CSMD1: variants seen among roughly 807,000 people sequenced by gnomAD.
The protein encoded by CSMD1 is CUB and Sushi multiple domains 1.
Under a neutral mutation model 417.5 loss-of-function variants are expected in CSMD1, and 213 were observed. The ratio of observed to expected loss-of-function variants is 0.51; its 90% CI spans 0.46 to 0.57. CSMD1 has a LOEUF of 0.57. Ranked by LOEUF, CSMD1 falls within the 20% of genes least tolerant of loss-of-function variation. CSMD1 has a pLI of 0.00. For synonymous variants in CSMD1, 2,862 were observed against 1,736.8 expected (o/e 1.65, Z -16.11); for missense variants, 6,923 against 4,529.7 (o/e 1.53, Z -15.17).
At chr8:4,328,436 C>G (rs1799680070) in intron 3 of CSMD1, among the ~76,000 whole-genome samples, 1 of 151,790 alleles carries the variant, frequency 6.6e-6, no homozygotes, top group Admixed American at 6.6e-5. Context: ...TTAATTTATA[C>G]AAATTTCGGT....
chr8:4,447,786 G>C (rs1585091815), intron 2 of CSMD1, among the ~76,000 whole-genome samples: 1 of 152,114 alleles, frequency 6.6e-6, no homozygotes, highest in Non-Finnish European at 1.5e-5. Flanking sequence ...TATAAAAGGA[G>C]AAGAAAATAA....
intron 2 of CSMD1, among the ~76,000 whole-genome samples, chr8:4,616,438 T>C (rs1801479533): frequency 6.6e-6 from 1 of 152,192 alleles, no homozygotes; most frequent in Admixed American, 6.6e-5. Flanking sequence ...GGCTATTTAG[T>C]CTGTAAGAGT....
At chr8:3,545,611 C>G (rs10097280) in intron 10 of CSMD1, among the ~76,000 whole-genome samples, 7,200 of 152,214 alleles carry the variant, frequency 0.047, 491 homozygotes, top group African/African-American at 0.15. Context: ...TCTCCACTGC[C>G]GTAACCCAAG....
At chr8:3,850,089 C>T (rs1803793764) in intron 5 of CSMD1, among the ~76,000 whole-genome samples, 1 of 152,218 alleles carries the variant, frequency 6.6e-6, no homozygotes, top group African/African-American at 2.4e-5. Context: ...AGCCACTGCA[C>T]CCAGCAAAGA....
chr8:4,274,943 A>C (rs1406699444), intron 3 of CSMD1, among the ~76,000 whole-genome samples: 1 of 152,178 alleles, frequency 6.6e-6, no homozygotes, highest in Non-Finnish European at 1.5e-5. Context: ...TATTTTCTTG[A>C]GAGCCATCAA....
intron 5 of CSMD1, among the ~76,000 whole-genome samples, chr8:3,867,766 G>T (rs946411815): frequency 6.6e-6 from 1 of 152,028 alleles, no homozygotes; most frequent in African/African-American, 2.4e-5. Flanking sequence ...TCCTCCCAGG[G>T]CCAGGCAGCT....
intron 5 of CSMD1, among the ~76,000 whole-genome samples, chr8:3,984,256 C>T (rs536044487): frequency 1.3e-5 from 2 of 152,230 alleles, no homozygotes; most frequent in Admixed American, 6.5e-5. Flanking sequence ...GCAAGCTTAA[C>T]TTCAAATGTC....
intron 4 of CSMD1, among the ~76,000 whole-genome samples, chr8:4,015,584 C>G (rs1218189194): frequency 6.8e-6 from 1 of 147,576 alleles, no homozygotes; most frequent in Admixed American, 6.9e-5. Context: ...TATTTAGTGG[C>G]ATCTTGGCCC....
chr8:3,713,372 A>AT (rs1177728702), intron 6 of CSMD1, among the ~76,000 whole-genome samples: 1 of 152,166 alleles, frequency 6.6e-6, no homozygotes, highest in Non-Finnish European at 1.5e-5. Context: ...AATGGCAATA[A>AT]TGTAAGAAGT....
At chr8:4,791,226 G>A (rs1218007890) in intron 1 of CSMD1, among the ~76,000 whole-genome samples, 2 of 150,324 alleles carry the variant, frequency 1.3e-5, no homozygotes, top group Non-Finnish European at 3.0e-5. Context: ...AGCAGAGGCA[G>A]AAGGAACGTG....
chr8:4,513,638 T>A (rs1405245), intron 2 of CSMD1, among the ~76,000 whole-genome samples: 1 of 152,272 alleles, frequency 6.6e-6, no homozygotes, highest in African/African-American at 2.4e-5. Flanking sequence ...AACAATGAAG[T>A]TAAAGGAAGA....
At chr8:3,939,820 G>A (rs143781676) in intron 5 of CSMD1, among the ~76,000 whole-genome samples, 4 of 152,216 alleles carry the variant, frequency 2.6e-5, no homozygotes, top group Non-Finnish European at 4.4e-5. Flanking sequence ...TTATGAGGAT[G>A]CGAAGGCATA....
At chr8:3,799,328 T>C (rs906547477) in intron 5 of CSMD1, among the ~76,000 whole-genome samples, 3 of 151,478 alleles carry the variant, frequency 2.0e-5, no homozygotes, top group Non-Finnish European at 2.9e-5. Context: ...ACATGTGCCA[T>C]GCTGGTGTGC....
chr8:3,609,224 C>G (rs1563196430), intron 8 of CSMD1, among the ~76,000 whole-genome samples: 1 of 152,186 alleles, frequency 6.6e-6, no homozygotes, highest in Non-Finnish European at 1.5e-5. Flanking sequence ...GCTACATATC[C>G]TGTTAGCACA....
At position 4,575,724 on chromosome 8, in the gene CSMD1, A is replaced by G. The variant is rs1056768501; in HGVS notation, c.302+61618T>C. Among the ~76,000 whole-genome samples, 6 of 152,232 alleles carry G rather than the reference A, an allele frequency of 3.9e-5. 1 individual carries two copies. Among genetic ancestry groups the G allele is most frequent in the African/African-American group, 1.4e-4 (6 of 41,462 alleles). ...AATATGTTAATAAATTTACATGACC[A>G]AGAGAAGTATTCTTGATTTTCTTCT... On this transcript the variant is annotated intron_variant, in intron 2 of 69. Coordinates refer to ENST00000635120, the MANE Select transcript of CSMD1 (RefSeq NM_033225.6).
intron 2 of CSMD1, among the ~76,000 whole-genome samples, chr8:4,510,179 C>G (rs1802739167): frequency 6.6e-6 from 1 of 151,916 alleles, no homozygotes; most frequent in Admixed American, 6.6e-5. Flanking sequence ...GACTTTGCTC[C>G]TCATTCACCT....
intron 1 of CSMD1, among the ~76,000 whole-genome samples, chr8:4,779,775 G>C (rs1435531791): frequency 1.3e-5 from 2 of 152,156 alleles, no homozygotes; most frequent in African/African-American, 2.4e-5. Context: ...GCTGATGCCA[G>C]AGCCCTTTTG....
chr8:4,211,736 A>G (rs904832510), intron 3 of CSMD1, among the ~76,000 whole-genome samples: 2 of 152,226 alleles, frequency 1.3e-5, no homozygotes, highest in African/African-American at 4.8e-5. Context: ...GGGAGTTGAC[A>G]AAGAGCCCTG....
intron 23 of CSMD1, among the ~76,000 whole-genome samples, chr8:3,325,120 G>A (rs1034531742): frequency 2.0e-5 from 3 of 152,122 alleles, no homozygotes; most frequent in African/African-American, 4.8e-5. Context: ...CATTAAAAAT[G>A]ACCTACATAA....
Sources: gnomAD v4.1 joint callset for allele counts (sites outside exome capture counted in the v4.1 genomes callset) on GRCh38, gnomAD v4.1.1 for gene constraint, MANE v1.5 for transcripts, NCBI Gene and HGNC (gene_info 2026-07-23, HGNC 2026-07-21) for gene names.